SNW1: variants seen among roughly 807,000 people sequenced by gnomAD.
SNW1 encodes the protein SNW domain-containing protein 1.
Under a neutral mutation model 75.6 loss-of-function variants are expected in SNW1, and 9 were observed. The ratio of observed to expected loss-of-function variants is 0.12; its 90% confidence interval spans 0.07 to 0.21. The LOEUF is 0.21. Among genes scored for constraint, SNW1 ranks in the 10% least tolerant of loss-of-function variants. The pLI, the probability that SNW1 is intolerant of heterozygous loss-of-function variation, is 1.00. For missense variants in SNW1, 409 were observed against 670.9 expected (o/e 0.61, Z 4.31); for synonymous variants, 200 against 219.1 (o/e 0.91, Z 0.77).
chr14:77,718,095 TTCC>T lies in SNW1; in HGVS notation c.1601_1603del (p.Arg534del), dbSNP rs777077225. On this transcript the variant is annotated inframe_deletion, in exon 14 of 14. Coordinates refer to ENST00000261531, the MANE Select transcript of SNW1 (RefSeq NM_012245.3). ...CTTTGGAGAGACCTGTGCCTATTCC[TTCC>T]TCCTCTTCTTGCCTTCATGCTCGTG... 1.6e-5 allele frequency: 26 copies of T among 1,581,304 alleles called. No homozygotes were observed. The highest frequency in any genetic ancestry group is 2.2e-5 in the East Asian group (1 of 44,608).
chr14:77,739,856 C>T (rs1194212969), intron 3 of SNW1, among the ~76,000 whole-genome samples: 1 of 151,836 alleles, frequency 6.6e-6, no homozygotes, highest in Non-Finnish European at 1.5e-5. Context: ...ACAGAGGGGC[C>T]GGGCGCGGTG....
At chr14:77,753,033 C>T (rs1403109237) in intron 2 of SNW1, among the ~76,000 whole-genome samples, 1 of 152,190 alleles carries the variant, frequency 6.6e-6, no homozygotes, top group Non-Finnish European at 1.5e-5. Context: ...GTAGCTGTAG[C>T]ATTATGTGGT....
chr14:77,754,107 C>A (rs1031549352), intron 2 of SNW1, among the ~76,000 whole-genome samples: 7 of 151,130 alleles, frequency 4.6e-5, no homozygotes, highest in Non-Finnish European at 8.8e-5. Context: ...TGCAATGGTG[C>A]GATCTTGGCT....
intron 2 of SNW1, among the ~76,000 whole-genome samples, chr14:77,752,707 T>C (rs1239091066): frequency 1.3e-5 from 2 of 152,036 alleles, no homozygotes; most frequent in Admixed American, 6.6e-5. Context: ...TAAGAAATAA[T>C]AGAAAACACA....
At chr14:77,759,109 A>C (rs932807572) in intron 1 of SNW1, among the ~76,000 whole-genome samples, 2 of 152,168 alleles carry the variant, frequency 1.3e-5, no homozygotes, top group Non-Finnish European at 2.9e-5. Flanking sequence ...AGGATATTAC[A>C]AAGAATACTG....
intron 12 of SNW1, among the ~76,000 whole-genome samples, chr14:77,719,608 T>G (rs1417641137): frequency 1.3e-5 from 2 of 151,884 alleles, no homozygotes; most frequent in South Asian, 2.1e-4. Context: ...ACCACTGCAC[T>G]CCAGCCTGGG....
chr14:77,727,170 C>T (rs1372913831), intron 10 of SNW1, among the ~76,000 whole-genome samples: 1 of 152,082 alleles, frequency 6.6e-6, no homozygotes, highest in African/African-American at 2.4e-5. Flanking sequence ...TCTTGTGACT[C>T]AGCGTCCTGA....
Position 77,742,195 on chromosome 14 carries a change from C to T in SNW1, c.331-3134G>A, listed in dbSNP as rs1474835172. On this transcript the variant is annotated intron_variant, in intron 3 of 13. Coordinates refer to ENST00000261531, the MANE Select transcript of SNW1 (RefSeq NM_012245.3). ...GGATTACAGGCGCATGACACCACGT[C>T]CAGCTAATTTTTGTATTTTTATTAG... Among the ~76,000 whole-genome samples the T allele has an allele frequency of 1.3e-5, 2 of 152,034 alleles. 1 individual carries two copies. The highest frequency in any genetic ancestry group is 2.9e-5 in the Non-Finnish European group (2 of 67,972).
chr14:77,759,209 G>C (rs548697227), intron 1 of SNW1, among the ~76,000 whole-genome samples: 7 of 152,170 alleles, frequency 4.6e-5, no homozygotes, highest in Non-Finnish European at 1.0e-4. Flanking sequence ...TTTTAAGCAC[G>C]CAATACCCAT....
At chr14:77,753,077 T>G (rs951133143) in intron 2 of SNW1, among the ~76,000 whole-genome samples, 2 of 152,234 alleles carry the variant, frequency 1.3e-5, no homozygotes, top group African/African-American at 4.8e-5. Context: ...AGCTTTTATT[T>G]TGAAAACTAG....
intron 9 of SNW1, among the ~76,000 whole-genome samples, chr14:77,731,342 T>C (rs2080625517): frequency 6.6e-6 from 1 of 152,274 alleles, no homozygotes; most frequent in Non-Finnish European, 1.5e-5. Flanking sequence ...TTTTAGTGAT[T>C]GAAACTATCG....
chr14:77,737,706 T>C (rs965502334), intron 5 of SNW1, among the ~76,000 whole-genome samples: 3 of 152,158 alleles, frequency 2.0e-5, no homozygotes, highest in Admixed American at 6.5e-5. Context: ...GAAAATAGCA[T>C]AGGGCCAGGC....
chr14:77,732,092 C>T (rs571513197), intron 9 of SNW1, among the ~76,000 whole-genome samples: 44 of 152,314 alleles, frequency 2.9e-4, no homozygotes, highest in Middle Eastern at 3.4e-3. Context: ...ATGCTATGAA[C>T]GCCATTTTAT....
chr14:77,728,542 A>G (rs1327893402), intron 10 of SNW1, among the ~76,000 whole-genome samples: 2 of 152,252 alleles, frequency 1.3e-5, no homozygotes, highest in South Asian at 2.1e-4. Flanking sequence ...TCTATTGAAT[A>G]AAGAACTGTC....
chr14:77,747,120 T>C (rs1464960285), intron 3 of SNW1, among the ~76,000 whole-genome samples: 3 of 152,216 alleles, frequency 2.0e-5, no homozygotes, highest in Admixed American at 6.5e-5. Context: ...GGTTTTGCTG[T>C]GTTGGCCGGG....
Position 77,720,700 on chromosome 14 carries a change from TA to T in SNW1, c.1248+10del. ...ATCAACACACACAATATGCTGTTCC[TA>T]AACTTGTACCTTGGATTGGTTGAAG... is the stretch of plus-strand genomic sequence containing the variant. On this transcript the variant is annotated intron_variant, in intron 12 of 13. Coordinates refer to ENST00000261531, the MANE Select transcript of SNW1 (RefSeq NM_012245.3). 1 of 1,558,788 alleles carries T rather than the reference TA, an allele frequency of 6.4e-7. No homozygotes were observed. The highest frequency in any genetic ancestry group is 8.9e-7 in the Non-Finnish European group (1 of 1,129,828).
chr14:77,734,731 C>T (rs554827342), intron 8 of SNW1, among the ~76,000 whole-genome samples: 9 of 100,506 alleles, frequency 9.0e-5, no homozygotes, highest in Admixed American at 4.4e-4. Context: ...AGCGAGACTC[C>T]GTCTCAAAAA....
At chr14:77,737,961 C>A (rs1595082542) in intron 5 of SNW1, among the ~76,000 whole-genome samples, 1 of 129,576 alleles carries the variant, frequency 7.7e-6, no homozygotes, top group Non-Finnish European at 1.6e-5. Flanking sequence ...CACTGCATTC[C>A]AGCCTGGGTG....
chr14:77,744,837 C>CA (rs1448302285), intron 3 of SNW1, among the ~76,000 whole-genome samples: 1 of 152,010 alleles, frequency 6.6e-6, no homozygotes, highest in Non-Finnish European at 1.5e-5. Flanking sequence ...AGAAATGCAC[C>CA]AAAACAAAGG....
Sources: allele counts gnomAD v4.1 joint callset (sites outside exome capture counted in the v4.1 genomes callset), GRCh38; gene constraint gnomAD v4.1.1; transcripts MANE v1.5; gene names NCBI Gene and HGNC (gene_info 2026-07-23, HGNC 2026-07-21).